The following NTM variants were observed in gnomAD, a reference collection of about 807,000 sequenced individuals.
NTM encodes IgLON family member 2.
Under a neutral mutation model 42.1 loss-of-function variants are expected in NTM, and 13 were observed. The ratio of observed to expected loss-of-function variants is 0.31; its 90% confidence interval spans 0.20 to 0.49. The LOEUF is 0.49. NTM is among the 20% of genes least tolerant of loss of function. NTM has a pLI of 0.99. For synonymous variants in NTM, 187 were observed against 179.2 expected (o/e 1.04, Z -0.35); for missense variants, 373 against 452.8 (o/e 0.82, Z 1.60).
chr11:132,195,565 G>A (rs2080070038), intron 3 of NTM, among the ~76,000 whole-genome samples: 1 of 151,438 alleles, frequency 6.6e-6, no homozygotes, highest in Non-Finnish European at 1.5e-5. Flanking sequence ...TATACTACAA[G>A]GCTACAGTAA....
At chr11:132,301,078 A>C (rs1399829379) in intron 4 of NTM, among the ~76,000 whole-genome samples, 1 of 152,278 alleles carries the variant, frequency 6.6e-6, no homozygotes, top group Admixed American at 6.5e-5. Flanking sequence ...CATACCCAAG[A>C]CTGGATAATT....
intron 1 of NTM, among the ~76,000 whole-genome samples, chr11:131,554,816 G>C (rs571161137): frequency 2.0e-5 from 3 of 152,256 alleles, no homozygotes; most frequent in African/African-American, 7.2e-5. Context: ...CTGCTTGGAT[G>C]CACTTTGCTT....
intron 1 of NTM, among the ~76,000 whole-genome samples, chr11:131,569,568 T>C (rs549074621): frequency 1.4e-5 from 2 of 147,920 alleles, no homozygotes; most frequent in South Asian, 4.2e-4. Context: ...TCTTTTTTTC[T>C]TCTCTCTTTT....
chr11:132,204,104 A>G (rs2081578813), intron 3 of NTM, among the ~76,000 whole-genome samples: 1 of 152,204 alleles, frequency 6.6e-6, no homozygotes, highest in Non-Finnish European at 1.5e-5. Context: ...AAACTCTCCA[A>G]TTCCAGGTAG....
At chr11:132,106,416 C>T (rs550446094) in intron 2 of NTM, among the ~76,000 whole-genome samples, 1 of 152,322 alleles carries the variant, frequency 6.6e-6, no homozygotes, top group East Asian at 1.9e-4. Flanking sequence ...GCAGCTTGGT[C>T]GGTGCCAAGG....
chr11:131,404,981 G>T (rs1222138582), intron 1 of NTM, among the ~76,000 whole-genome samples: 1 of 152,138 alleles, frequency 6.6e-6, no homozygotes, highest in Non-Finnish European at 1.5e-5. Flanking sequence ...ATGGAAGAAT[G>T]ACCACAATTC....
At chr11:132,019,477 T>G (rs1246959496) in intron 2 of NTM, among the ~76,000 whole-genome samples, 1 of 152,062 alleles carries the variant, frequency 6.6e-6, no homozygotes, top group Non-Finnish European at 1.5e-5. Context: ...TTGCTTGCTG[T>G]ATTTTGAGAT....
intron 2 of NTM, among the ~76,000 whole-genome samples, chr11:132,022,827 A>C (rs1241154530): frequency 6.6e-6 from 1 of 152,216 alleles, no homozygotes; most frequent in Non-Finnish European, 1.5e-5. Context: ...TGCAATTCAA[A>C]GGCTGTTAAG....
intron 1 of NTM, among the ~76,000 whole-genome samples, chr11:131,904,247 A>G (rs545956971): frequency 6.6e-6 from 1 of 152,270 alleles, no homozygotes; most frequent in South Asian, 2.1e-4. Context: ...GTGATTGTTT[A>G]GGGAGAATGG....
intron 1 of NTM, among the ~76,000 whole-genome samples, chr11:131,843,049 G>A (rs1388679854): frequency 6.6e-6 from 1 of 151,712 alleles, no homozygotes; most frequent in African/African-American, 2.4e-5. Flanking sequence ...AAAATGAAAA[G>A]CAAAATTTCT....
At chr11:131,740,240 G>A (rs1458710549) in intron 1 of NTM, among the ~76,000 whole-genome samples, 1 of 152,174 alleles carries the variant, frequency 6.6e-6, no homozygotes, top group East Asian at 1.9e-4. Context: ...GAGAGCTGCC[G>A]GCATCCATGT....
chr11:131,795,186 G>A (rs1445010789), intron 1 of NTM, among the ~76,000 whole-genome samples: 1 of 152,168 alleles, frequency 6.6e-6, no homozygotes, highest in Non-Finnish European at 1.5e-5. Flanking sequence ...TTTCACTCCA[G>A]TGGTGAAGGC....
rs1048586582 is a variant in NTM at position 131,454,023 on chromosome 11, T to C, written c.82+83135T>C. 1.8e-4 allele frequency among the ~76,000 whole-genome samples: 27 copies of C among 152,218 alleles called. 2 individuals are homozygous for C. ...CGCTCCCAGTCTCTAAGCACGTTTATTTCCTCAATGTTTTATAATCAGATA... is the reference window on the plus strand; with the variant it reads ...CGCTCCCAGTCTCTAAGCACGTTTACTTCCTCAATGTTTTATAATCAGATA... On this transcript the variant is annotated intron_variant, in intron 1 of 8. Coordinates refer to ENST00000683400, the MANE Select transcript of NTM (RefSeq NM_001352005.2).
chr11:131,952,967 A>T (rs1414986960), intron 2 of NTM, among the ~76,000 whole-genome samples: 2 of 152,188 alleles, frequency 1.3e-5, no homozygotes, highest in Admixed American at 6.5e-5. Flanking sequence ...GGTGGCATAT[A>T]GACTTAAAGT....
chr11:132,096,801 G>A (rs532932642), intron 2 of NTM, among the ~76,000 whole-genome samples: 2 of 152,172 alleles, frequency 1.3e-5, no homozygotes, highest in Non-Finnish European at 2.9e-5. Context: ...TGCAGTTTTT[G>A]GAAAACCCAG....
At chr11:131,384,684 C>T (rs962701943) in intron 1 of NTM, among the ~76,000 whole-genome samples, 18 of 151,816 alleles carry the variant, frequency 1.2e-4, no homozygotes, top group African/African-American at 2.4e-4. Context: ...GGAGGAGTGG[C>T]GAATCCTGAG....
At chr11:131,386,102 A>G (rs1486130064) in intron 1 of NTM, among the ~76,000 whole-genome samples, 5 of 152,252 alleles carry the variant, frequency 3.3e-5, no homozygotes, top group African/African-American at 1.2e-4. Context: ...GATAAACACA[A>G]TGAGGTCTAT....
At chr11:132,140,689 T>C (rs1406839454) in intron 2 of NTM, among the ~76,000 whole-genome samples, 1 of 152,170 alleles carries the variant, frequency 6.6e-6, no homozygotes, top group Non-Finnish European at 1.5e-5. Flanking sequence ...GTATCCTGTT[T>C]TGTTAATTTC....
At chr11:132,282,664 A>G (rs1431907789) in intron 4 of NTM, among the ~76,000 whole-genome samples, 1 of 152,218 alleles carries the variant, frequency 6.6e-6, no homozygotes, top group African/African-American at 2.4e-5. Context: ...CTCAGTTGGA[A>G]TAAGTTTTTC....
Sources: gnomAD v4.1 joint callset for allele counts (sites outside exome capture counted in the v4.1 genomes callset) on GRCh38, gnomAD v4.1.1 for gene constraint, MANE v1.5 for transcripts, NCBI Gene and HGNC (gene_info 2026-07-23, HGNC 2026-07-21) for gene names.